PACSIN2: variants seen among roughly 807,000 people sequenced by gnomAD.
PACSIN2 encodes the protein protein kinase C and casein kinase substrate in neurons 2.
PACSIN2 carries 25 observed loss-of-function variants against 63.8 expected under a neutral mutation model. The observed-to-expected ratio is 0.39, with a 90% confidence interval of 0.29 to 0.55. The LOEUF is 0.55. PACSIN2 is among the 20% of genes least tolerant of loss of function. The pLI is 0.62. For synonymous variants in PACSIN2, 255 were observed against 256.2 expected (o/e 1.00, Z 0.05); for missense variants, 518 against 646.9 (o/e 0.80, Z 2.16).
chr22:42,997,634 ATGTC>A (rs1923500870), intron 1 of PACSIN2, among the ~76,000 whole-genome samples: 1 of 152,116 alleles, frequency 6.6e-6, no homozygotes. Context: ...GCATGCAAAA[ATGTC>A]TGAGTCCATT....
At chr22:42,919,933 A>T (rs1021152121) in intron 1 of PACSIN2, among the ~76,000 whole-genome samples, 1 of 150,466 alleles carries the variant, frequency 6.6e-6, no homozygotes, top group Non-Finnish European at 1.5e-5. Context: ...TGAGACCACC[A>T]TCTCTAAAAA....
rs58408551 is a variant in PACSIN2, at chr22:42,889,373, T to TACACACACAC, written c.454-585_454-576dup. Reference sequence around the variant, plus strand: ...CATTTCCTCTGGTTTTAATGGTTTTTACACACACACACACACACACACACA... The same window carrying TACACACACAC: ...CATTTCCTCTGGTTTTAATGGTTTTTACACACACACACACACACACACACACACACACACA... On this transcript the variant is annotated intron_variant, in intron 4 of 10. Transcript: ENST00000263246. Among the ~76,000 whole-genome samples, 600 of 122,540 alleles carry TACACACACAC rather than the reference T, an allele frequency of 4.9e-3. 8 individuals are homozygous for TACACACACAC. The highest frequency in any genetic ancestry group is 0.016 in the African/African-American group (569 of 36,038). The allele number at this position is 122,540 out of a possible 152,430, so 80.4% of individuals were successfully genotyped here.
intron 4 of PACSIN2, among the ~76,000 whole-genome samples, chr22:42,890,158 C>T (rs561205270): frequency 9.9e-5 from 15 of 152,026 alleles, no homozygotes; most frequent in Admixed American, 2.6e-4. Flanking sequence ...CCCGCCACCA[C>T]GCCCTGCTAA....
At chr22:42,986,203 C>A (rs1922600417) in intron 1 of PACSIN2, among the ~76,000 whole-genome samples, 1 of 152,134 alleles carries the variant, frequency 6.6e-6, no homozygotes, top group Admixed American at 6.5e-5. Context: ...GGTAAATGAT[C>A]ACTAACAAAA....
chr22:42,887,465 G>A (rs931283136), intron 5 of PACSIN2, among the ~76,000 whole-genome samples: 2 of 152,194 alleles, frequency 1.3e-5, no homozygotes, highest in Admixed American at 6.5e-5. Context: ...GGTGGGTAGT[G>A]AAACCAGCTT....
chr22:43,003,420 G>A (rs557614406), intron 1 of PACSIN2, among the ~76,000 whole-genome samples: 3 of 152,138 alleles, frequency 2.0e-5, no homozygotes, highest in South Asian at 2.1e-4. Flanking sequence ...TGGCTAACAC[G>A]GTGAAACCCC....
At chr22:42,940,679 C>T (rs9611969) in intron 1 of PACSIN2, among the ~76,000 whole-genome samples, 48,594 of 152,102 alleles carry the variant, frequency 0.32, 9,204 homozygotes, top group Non-Finnish European at 0.43. Context: ...CCCCTGCCAC[C>T]GCCACCACCT....
chr22:42,912,197 C>T lies in PACSIN2; in HGVS notation c.-77-40G>A, dbSNP rs139045322. 6.8e-4 allele frequency: 457 copies of T among 668,416 alleles called. 5 individuals are homozygous for T. The East Asian group carries it at 0.012, about 18-fold the overall frequency. The allele number at this position is 668,416 out of a possible 1,614,324, so 41.4% of individuals were successfully genotyped here. A position where few individuals can be genotyped will look rare whatever the true frequency, so the allele number is the denominator to read the frequency against. On this transcript the variant is annotated intron_variant, in intron 1 of 10. Transcript: ENST00000263246. Reference sequence around the variant, plus strand: ...CATATAACATAGTGGTTTTTAAATTCCCAAGGTAAAGAAACAAGTCATCTC... The same window carrying T: ...CATATAACATAGTGGTTTTTAAATTTCCAAGGTAAAGAAACAAGTCATCTC...
intron 1 of PACSIN2, among the ~76,000 whole-genome samples, chr22:42,915,363 C>A (rs538267494): frequency 1.4e-4 from 21 of 152,192 alleles, no homozygotes; most frequent in Non-Finnish European, 3.1e-4. Flanking sequence ...GGGGAAGGGA[C>A]ATTCTCCGGT....
At chr22:42,941,318 C>A (rs541398818) in intron 1 of PACSIN2, among the ~76,000 whole-genome samples, 1 of 152,186 alleles carries the variant, frequency 6.6e-6, no homozygotes, top group Non-Finnish European at 1.5e-5. Context: ...GGGTTGTTTG[C>A]CACTTTTCCG....
chr22:42,909,206 A>G (rs1049027189), intron 2 of PACSIN2, among the ~76,000 whole-genome samples: 1 of 152,162 alleles, frequency 6.6e-6, no homozygotes, highest in Non-Finnish European at 1.5e-5. Flanking sequence ...GGCACCTGGC[A>G]TGATGACCTG....
rs557057954 is a variant in PACSIN2, at chr22:42,956,423, G to A, written c.-77-44266C>T. Among the ~76,000 whole-genome samples the A allele has an allele frequency of 9.8e-5, 15 of 152,294 alleles. No homozygotes were observed. The South Asian group carries it at 3.1e-3, about 32-fold the overall frequency. On this transcript the variant is annotated intron_variant, in intron 1 of 10. Coordinates refer to ENST00000263246, the MANE Select transcript of PACSIN2 (RefSeq NM_001184970.3). ...CAAGGCAGAACTGTGACATGCAAAT[G>A]CATTTAGACCACCTAGTGAAATGTG... is the stretch of plus-strand genomic sequence containing the variant.
intron 1 of PACSIN2, among the ~76,000 whole-genome samples, chr22:42,934,625 G>T (rs1361488232): frequency 6.6e-6 from 1 of 152,154 alleles, no homozygotes; most frequent in Non-Finnish European, 1.5e-5. Flanking sequence ...ACCTTGCAAG[G>T]CCCAGTTTGA....
chr22:42,904,223 G>A (rs559159102), intron 2 of PACSIN2, among the ~76,000 whole-genome samples: 5 of 152,320 alleles, frequency 3.3e-5, no homozygotes, highest in Admixed American at 6.5e-5. Flanking sequence ...CCCTTGGTGC[G>A]TGTTACACAG....
chr22:42,956,138 T>G (rs1468315239), intron 1 of PACSIN2, among the ~76,000 whole-genome samples: 1 of 152,232 alleles, frequency 6.6e-6, no homozygotes, highest in Non-Finnish European at 1.5e-5. Context: ...TGACTGAGTA[T>G]GAAATTCATA....
intron 1 of PACSIN2, among the ~76,000 whole-genome samples, chr22:42,983,249 G>A (rs930870139): frequency 6.6e-6 from 1 of 151,520 alleles, no homozygotes; most frequent in Non-Finnish European, 1.5e-5. Flanking sequence ...TCCAGGAGGT[G>A]GAGGCTGCAG....
chr22:42,958,249 C>T (rs1055998574), intron 1 of PACSIN2, among the ~76,000 whole-genome samples: 1 of 151,960 alleles, frequency 6.6e-6, no homozygotes, highest in African/African-American at 2.4e-5. Context: ...AAGTCGTCAC[C>T]TCTGGATCCC....
At chr22:42,980,796 G>A (rs1336973896) in intron 1 of PACSIN2, among the ~76,000 whole-genome samples, 1 of 84,834 alleles carries the variant, frequency 1.2e-5, no homozygotes, top group Non-Finnish European at 2.3e-5. Context: ...GTGCTCAATG[G>A]TGCCCAGGCT....
chr22:42,881,213 G>C (rs1929048138), intron 7 of PACSIN2, among the ~76,000 whole-genome samples: 1 of 152,216 alleles, frequency 6.6e-6, no homozygotes, highest in Non-Finnish European at 1.5e-5. Flanking sequence ...CAAAACTGCA[G>C]GCTATGAGGC....
Sources: allele counts gnomAD v4.1 joint callset (sites outside exome capture counted in the v4.1 genomes callset), GRCh38; gene constraint gnomAD v4.1.1; transcripts MANE v1.5; gene names NCBI Gene and HGNC (gene_info 2026-07-23, HGNC 2026-07-21).